The following AGMO variants were observed in gnomAD, a reference collection of about 807,000 sequenced individuals.
AGMO encodes alkylglycerol monooxygenase, also known as glyceryl-ether monooxygenase.
AGMO carries 75 observed loss-of-function variants against 60.2 expected under a neutral mutation model. The observed-to-expected ratio is 1.25, with a 90% confidence interval of 1.03 to 1.51. The LOEUF is 1.51. Ranked by LOEUF, AGMO falls within the 40% of genes most tolerant of loss-of-function variation. The pLI is 0.00. For synonymous variants in AGMO, 261 were observed against 177.1 expected, an observed-to-expected ratio of 1.47 and a Z score of -3.76; for missense variants, 763 against 525.5, an observed-to-expected ratio of 1.45 and a Z score of -4.42.
chr7:15,327,337 C>T (rs541194583), intron 12 of AGMO, among the ~76,000 whole-genome samples: 1 of 152,054 alleles, frequency 6.6e-6, no homozygotes, highest in Non-Finnish European at 1.5e-5. Context: ...TGGAGAAGAC[C>T]AAACATCTTG....
At chr7:15,118,162 C>T in the AGMO span, among the ~76,000 whole-genome samples, 2 of 121,320 alleles carry the variant, frequency 1.6e-5, no homozygotes, top group Admixed American at 1.7e-4. Flanking sequence ...ATTTAAAAAC[C>T]ACTAAAGAGA....
At chr7:15,497,146 T>G (rs1478702695) in intron 3 of AGMO, among the ~76,000 whole-genome samples, 1 of 152,180 alleles carries the variant, frequency 6.6e-6, no homozygotes, top group Admixed American at 6.5e-5. Flanking sequence ...CAGTGTTTGT[T>G]GAGCAGTGAG....
chr7:15,366,532 G>C (rs1782987817), intron 10 of AGMO, among the ~76,000 whole-genome samples: 1 of 151,936 alleles, frequency 6.6e-6, no homozygotes, highest in African/African-American at 2.4e-5. Flanking sequence ...CCCACATATG[G>C]ATAAATTACT....
At chr7:15,494,804 T>A (rs746816723) in intron 3 of AGMO, among the ~76,000 whole-genome samples, 6 of 152,226 alleles carry the variant, frequency 3.9e-5, no homozygotes, top group Non-Finnish European at 7.3e-5. Context: ...ATAAATATAG[T>A]GTCCTGAAGA....
chr7:15,384,746 G>A (rs563962384), intron 10 of AGMO, among the ~76,000 whole-genome samples: 4 of 147,878 alleles, frequency 2.7e-5, no homozygotes, highest in Non-Finnish European at 4.5e-5. Context: ...CTGCTTTCAT[G>A]TACCTTTTTG....
chr7:15,260,266 C>T (rs909943661), intron 12 of AGMO, among the ~76,000 whole-genome samples: 2 of 149,492 alleles, frequency 1.3e-5, no homozygotes, highest in African/African-American at 4.9e-5. Context: ...CTTCAGGAGA[C>T]TCAACTAACA....
intron 12 of AGMO, among the ~76,000 whole-genome samples, chr7:15,360,579 T>TGAG (rs576255112): frequency 2.6e-5 from 4 of 152,044 alleles, no homozygotes; most frequent in Non-Finnish European, 5.9e-5. Context: ...TTAAGTAGTC[T>TGAG]GAGGAGGAGG....
chr7:15,458,240 T>C (rs146186772), intron 3 of AGMO, among the ~76,000 whole-genome samples: 182 of 152,220 alleles, frequency 1.2e-3, no homozygotes, highest in Middle Eastern at 3.4e-3. Context: ...CCAGAACAAA[T>C]ATTTGCAAAG....
intron 3 of AGMO, among the ~76,000 whole-genome samples, chr7:15,493,522 C>G (rs1045639750): frequency 6.6e-6 from 1 of 151,168 alleles, no homozygotes. Context: ...TGCAGGCGCC[C>G]GCCACCACAC....
intron 8 of AGMO, among the ~76,000 whole-genome samples, chr7:15,388,020 G>C (rs1228182817): frequency 2.6e-5 from 4 of 151,018 alleles, no homozygotes; most frequent in Admixed American, 6.6e-5. Flanking sequence ...TGATTCTCCT[G>C]CCTCAGCCTC....
At chr7:15,135,184 G>C in the AGMO span, among the ~76,000 whole-genome samples, 7 of 146,756 alleles carry the variant, frequency 4.8e-5, no homozygotes, top group Non-Finnish European at 6.1e-5. Context: ...GTGTGTGTGT[G>C]TGTGTGTCTG....
intron 12 of AGMO, among the ~76,000 whole-genome samples, chr7:15,202,038 G>A (rs1563032431): frequency 6.6e-6 from 1 of 152,052 alleles, no homozygotes; most frequent in Non-Finnish European, 1.5e-5. Flanking sequence ...CCTAGGCACC[G>A]ACAATTAAAA....
At chr7:15,184,585 GTAGTAAGGAAGGGAAGGA>G in the AGMO span, among the ~76,000 whole-genome samples, 1 of 130,818 alleles carries the variant, frequency 7.6e-6, no homozygotes, top group Admixed American at 7.6e-5. Context: ...AGGAAGGAAG[GTAGTAAGGAAGGGAAGGA>G]AAGAAGGAAG....
chr7:15,166,448 G>A, the AGMO span, among the ~76,000 whole-genome samples: 110 of 152,278 alleles, frequency 7.2e-4, no homozygotes, highest in African/African-American at 2.6e-3. Flanking sequence ...GAGTCAGAGA[G>A]GAAGAAGGCA....
the AGMO span, among the ~76,000 whole-genome samples, chr7:15,189,281 G>T: frequency 6.6e-6 from 1 of 151,908 alleles, no homozygotes; most frequent in Admixed American, 6.6e-5. Flanking sequence ...TTACAAATAG[G>T]GCCTTGCAAG....
chr7:15,330,475 A>C (rs1260793577), intron 12 of AGMO, among the ~76,000 whole-genome samples: 1 of 152,170 alleles, frequency 6.6e-6, no homozygotes, highest in Non-Finnish European at 1.5e-5. Flanking sequence ...ATATGAACAA[A>C]AGACAATATT....
the AGMO span, among the ~76,000 whole-genome samples, chr7:15,164,099 T>G: frequency 1.3e-5 from 2 of 152,058 alleles, no homozygotes. Context: ...AACCACATAC[T>G]TACAACCAAC....
rs142533311 is a variant in AGMO, at chr7:15,386,571, G to A, written c.957+835C>T. ...CGGAAGTGGGAAACTTATTCCTAGC[G>A]GCGTTGGTAACTGAATGAGAAAATG... On this transcript the variant is annotated intron_variant, in intron 9 of 12. Coordinates refer to ENST00000342526, the MANE Select transcript of AGMO (RefSeq NM_001004320.2). Among the ~76,000 whole-genome samples the A allele has an allele frequency of 6.2e-3, 950 of 152,240 alleles. 3 individuals carry two copies. Among genetic ancestry groups the A allele is most frequent in the Non-Finnish European group, 9.7e-3 (662 of 68,016 alleles).
the AGMO span, among the ~76,000 whole-genome samples, chr7:15,144,540 G>A: frequency 2.0e-5 from 3 of 152,296 alleles, no homozygotes; most frequent in Non-Finnish European, 2.9e-5. Flanking sequence ...ATCTTAATAC[G>A]TGTACGTGTA....
Sources: gnomAD v4.1 joint callset for allele counts (sites outside exome capture counted in the v4.1 genomes callset) on GRCh38, gnomAD v4.1.1 for gene constraint, MANE v1.5 for transcripts, NCBI Gene and HGNC (gene_info 2026-07-23, HGNC 2026-07-21) for gene names.